Variants in CALN1 observed in about 807,000 individuals in gnomAD.
The protein encoded by CALN1 is calcium-binding protein 8.
Under a neutral mutation model 30.6 loss-of-function variants are expected in CALN1, and 17 were observed. That is an observed-to-expected ratio of 0.56 (90% CI 0.38 to 0.83). CALN1 has a LOEUF of 0.83. Among genes scored for constraint, CALN1 ranks in the 40% least tolerant of loss-of-function variants. CALN1 has a pLI of 0.00. For synonymous variants in CALN1, 156 were observed against 131.4 expected (o/e 1.19, Z -1.28); for missense variants, 291 against 354.9 (o/e 0.82, Z 1.45).
At chr7:71,879,186 A>G (rs924940231) in intron 5 of CALN1, among the ~76,000 whole-genome samples, 2 of 152,234 alleles carry the variant, frequency 1.3e-5, no homozygotes, top group African/African-American at 4.8e-5. Flanking sequence ...TAAGAGTTAC[A>G]TAAGACCATA....
chr7:72,283,959 A>G (rs1429429466), intron 2 of CALN1, among the ~76,000 whole-genome samples: 2 of 152,184 alleles, frequency 1.3e-5, no homozygotes, highest in Non-Finnish European at 2.9e-5. Flanking sequence ...GGTTCCTGTT[A>G]ATGGGGTCAA....
intron 5 of CALN1, among the ~76,000 whole-genome samples, chr7:72,016,382 T>C (rs1800381056): frequency 6.6e-6 from 1 of 152,024 alleles, no homozygotes; most frequent in African/African-American, 2.4e-5. Flanking sequence ...GTCACAACCA[T>C]GAAATGCAAA....
intron 4 of CALN1, among the ~76,000 whole-genome samples, chr7:72,078,920 T>C (rs844743): frequency 0.74 from 113,277 of 152,054 alleles, 42,664 homozygotes; most frequent in East Asian, 1. Flanking sequence ...TAGAGTGAGA[T>C]TCCGTCTCAA....
intron 3 of CALN1, among the ~76,000 whole-genome samples, chr7:72,244,884 T>A (rs534603): frequency 0.72 from 109,810 of 151,964 alleles, 40,557 homozygotes; most frequent in East Asian, 1. Context: ...AATTCCAATT[T>A]CCTAAATTGT....
chr7:72,396,221 A>T (rs566779401), intron 2 of CALN1, among the ~76,000 whole-genome samples: 90 of 128,940 alleles, frequency 7.0e-4, no homozygotes, highest in African/African-American at 2.7e-3. Context: ...GCATGGTGAA[A>T]CTCTTGTCTC....
At chr7:71,817,242 G>C (rs781057018) in intron 5 of CALN1, among the ~76,000 whole-genome samples, 13 of 152,168 alleles carry the variant, frequency 8.5e-5, no homozygotes, top group Non-Finnish European at 1.8e-4. Flanking sequence ...GAAAACCAGA[G>C]AGAACATTTT....
Position 71,784,237 on chromosome 7 carries a change from T to G in CALN1, c.*3538A>C, listed in dbSNP as rs1792867209. On this transcript the variant is annotated 3_prime_UTR_variant, in exon 7 of 7. Transcript: ENST00000395275. ...CTCCTGAGTAAATAGAAGGACAAGT[T>G]CAAATGCCAGACAAAAAGGCAGAGA... 6.6e-6 allele frequency: 1 copy of G among 152,088 alleles called. No homozygotes were observed. The highest frequency in any genetic ancestry group is 2.1e-4 in the South Asian group (1 of 4,824). The allele number at this position is 152,088 out of a possible 1,614,324, so 9.4% of individuals were successfully genotyped here.
At chr7:72,040,884 C>CA (rs1203443036) in intron 4 of CALN1, among the ~76,000 whole-genome samples, 3 of 152,026 alleles carry the variant, frequency 2.0e-5, no homozygotes, top group Admixed American at 6.6e-5. Flanking sequence ...TTCAGAACTA[C>CA]AAAAAAATAA....
chr7:72,382,605 C>T (rs1280121116), intron 2 of CALN1, among the ~76,000 whole-genome samples: 1 of 152,088 alleles, frequency 6.6e-6, no homozygotes, highest in Non-Finnish European at 1.5e-5. Context: ...TCAACCCTTC[C>T]CCACCTCCCT....
At chr7:71,966,574 C>T (rs1209216623) in intron 5 of CALN1, among the ~76,000 whole-genome samples, 1 of 152,206 alleles carries the variant, frequency 6.6e-6, no homozygotes, top group Non-Finnish European at 1.5e-5. Flanking sequence ...GCACCTGCTT[C>T]CTCTTTGCCT....
At chr7:72,257,078 T>C (rs1795963071) in intron 3 of CALN1, among the ~76,000 whole-genome samples, 1 of 152,082 alleles carries the variant, frequency 6.6e-6, no homozygotes, top group African/African-American at 2.4e-5. Flanking sequence ...CTCAAGAAAC[T>C]TACAATCATG....
At chr7:72,024,946 T>C (rs189248634) in intron 4 of CALN1, among the ~76,000 whole-genome samples, 11 of 152,298 alleles carry the variant, frequency 7.2e-5, no homozygotes, top group Admixed American at 2.6e-4. Context: ...CTGATCTCAT[T>C]AGGCAGAACT....
intron 5 of CALN1, among the ~76,000 whole-genome samples, chr7:71,978,262 CTTTTTTTTTTTTTT>C (rs1010635078): frequency 1.4e-5 from 1 of 72,950 alleles, no homozygotes; most frequent in Admixed American, 1.6e-4. Context: ...CTAGAGAATT[CTTTTTTTTTTTTTT>C]TTTTTTTTTT....
the CALN1 span, among the ~76,000 whole-genome samples, chr7:72,453,142 G>C: frequency 0.31 from 47,798 of 152,174 alleles, 9,254 homozygotes; most frequent in South Asian, 0.44. Context: ...TAGTAATGCA[G>C]GGCAGGTGAA....
intron 1 of CALN1, among the ~76,000 whole-genome samples, chr7:72,421,570 CTACT>C (rs1467907877): frequency 2.5e-5 from 3 of 120,148 alleles, no homozygotes; most frequent in African/African-American, 9.7e-5. Flanking sequence ...TCATTTTATC[CTACT>C]TTTTTTTTTT....
intron 1 of CALN1, among the ~76,000 whole-genome samples, chr7:72,408,518 TATGTTGGTG>T (rs1166848240): frequency 7.9e-5 from 12 of 151,948 alleles, no homozygotes; most frequent in Non-Finnish European, 1.6e-4. Context: ...GTAACTGGAA[TATGTTGGTG>T]ATGTTGGTGA....
intron 5 of CALN1, among the ~76,000 whole-genome samples, chr7:71,992,779 G>A (rs185969014): frequency 6.6e-6 from 1 of 152,290 alleles, no homozygotes; most frequent in Admixed American, 6.5e-5. Flanking sequence ...TTCGAGACCA[G>A]CCGAAATATC....
At chr7:72,085,328 T>A (rs931990037) in intron 4 of CALN1, among the ~76,000 whole-genome samples, 3 of 152,110 alleles carry the variant, frequency 2.0e-5, no homozygotes, top group Non-Finnish European at 4.4e-5. Context: ...TTTAAAAATA[T>A]TTTAAAAAGG....
chr7:72,033,348 G>C (rs899523661), intron 4 of CALN1, among the ~76,000 whole-genome samples: 10 of 152,212 alleles, frequency 6.6e-5, no homozygotes, highest in African/African-American at 9.7e-5. Flanking sequence ...GGGCTTCAAA[G>C]GGTAACAAGA....
Sources: gnomAD v4.1 joint callset for allele counts (sites outside exome capture counted in the v4.1 genomes callset) on GRCh38, gnomAD v4.1.1 for gene constraint, MANE v1.5 for transcripts, NCBI Gene and HGNC (gene_info 2026-07-23, HGNC 2026-07-21) for gene names.